Variants in MYO1D observed in about 807,000 individuals in gnomAD.
The protein encoded by MYO1D is unconventional myosin-Id.
MYO1D carries 83 observed loss-of-function variants against 122.0 expected under a neutral mutation model. That is an observed-to-expected ratio of 0.68 (90% CI 0.57 to 0.82). The LOEUF is 0.82. MYO1D is among the 40% of genes least tolerant of loss of function. The probability of loss-of-function intolerance (pLI) is 0.00; values close to 1 mark genes in which losing one functional copy is unlikely to be tolerated. For missense variants in MYO1D, 1,157 were observed against 1,269.5 expected (o/e 0.91, Z 1.35); for synonymous variants, 464 against 446.9 (o/e 1.04, Z -0.48).
intron 1 of MYO1D, among the ~76,000 whole-genome samples, chr17:32,840,022 T>C (rs1477828719): frequency 6.6e-6 from 1 of 152,218 alleles, no homozygotes; most frequent in Non-Finnish European, 1.5e-5. Flanking sequence ...ATTACAATTT[T>C]CTTGTTCCAT....
intron 21 of MYO1D, among the ~76,000 whole-genome samples, chr17:32,583,243 CCT>C (rs1169249184): frequency 1.3e-5 from 2 of 152,124 alleles, no homozygotes; most frequent in African/African-American, 4.8e-5. Context: ...AACGAGAAAT[CCT>C]CTGTCATCTT....
intron 16 of MYO1D, among the ~76,000 whole-genome samples, chr17:32,674,664 G>A (rs2150962502): frequency 6.6e-6 from 1 of 152,192 alleles, no homozygotes. Context: ...TTTCTTGCTG[G>A]CAAATGCTTG....
intron 21 of MYO1D, among the ~76,000 whole-genome samples, chr17:32,574,225 T>C (rs2087257739): frequency 6.6e-6 from 1 of 151,764 alleles, no homozygotes; most frequent in Non-Finnish European, 1.5e-5. Context: ...ACAATACTTA[T>C]CTCTCCGTAC....
At chr17:32,675,241 C>T (rs1470627770) in intron 16 of MYO1D, among the ~76,000 whole-genome samples, 1 of 152,108 alleles carries the variant, frequency 6.6e-6, no homozygotes, top group African/African-American at 2.4e-5. Flanking sequence ...AATAATGTGA[C>T]ACAGAAATAA....
rs560164141 is a variant in MYO1D, at chr17:32,561,068, C to T, written c.2864+44019G>A. Among the ~76,000 whole-genome samples the T allele has an allele frequency of 1.4e-4, 22 of 151,844 alleles. 1 individual carries two copies. The Middle Eastern group carries it at 0.02, about 141-fold the overall frequency. On this transcript the variant is annotated intron_variant, in intron 21 of 21. Transcript: ENST00000318217. The stretch of plus-strand genomic sequence containing the variant: ...CTAGGATTACAGGCACCTGCCACCA[C>T]GCCCGGCTAATTTTTGTATTTTTAG...
At chr17:32,579,878 C>A (rs556218702) in intron 21 of MYO1D, among the ~76,000 whole-genome samples, 2 of 152,288 alleles carry the variant, frequency 1.3e-5, no homozygotes, top group Non-Finnish European at 2.9e-5. Flanking sequence ...TTTGCTTATC[C>A]ATCTTCCAAT....
chr17:32,826,679 A>G (rs566905802), intron 1 of MYO1D, among the ~76,000 whole-genome samples: 1 of 152,340 alleles, frequency 6.6e-6, no homozygotes, highest in East Asian at 1.9e-4. Flanking sequence ...CTCTTGTGAT[A>G]GGAGAAAATT....
intron 21 of MYO1D, among the ~76,000 whole-genome samples, chr17:32,547,464 A>G (rs1474284851): frequency 2.0e-5 from 3 of 152,248 alleles, no homozygotes. Context: ...ACGCTTTTCC[A>G]TATGCATAGT....
chr17:32,673,028 T>C (rs73280036), intron 16 of MYO1D, among the ~76,000 whole-genome samples: 1 of 150,792 alleles, frequency 6.6e-6, no homozygotes, highest in African/African-American at 2.4e-5. Context: ...CTTTATTGGT[T>C]AGTTAAGGCT....
At chr17:32,640,128 T>C (rs1476197480) in intron 19 of MYO1D, among the ~76,000 whole-genome samples, 1 of 152,110 alleles carries the variant, frequency 6.6e-6, no homozygotes. Flanking sequence ...CCAAAGCACA[T>C]TTTTTTCAGT....
At chr17:32,842,406 G>T (rs1473808612) in intron 1 of MYO1D, among the ~76,000 whole-genome samples, 1 of 152,132 alleles carries the variant, frequency 6.6e-6, no homozygotes, top group Non-Finnish European at 1.5e-5. Context: ...ACTCTTAGGA[G>T]TTGGCTGCAC....
chr17:32,522,922 T>C (rs1317259789), intron 21 of MYO1D, among the ~76,000 whole-genome samples: 1 of 150,088 alleles, frequency 6.7e-6, no homozygotes, highest in Non-Finnish European at 1.5e-5. Context: ...GTTCACGCCA[T>C]TCTCCTGCCT....
At chr17:32,594,545 T>C in intron 21 of MYO1D, 1 of 647,708 alleles carries the variant, frequency 1.5e-6, no homozygotes, top group Non-Finnish European at 2.8e-6. Context: ...TGAATTTTAT[T>C]CAGAGTATAA....
At chr17:32,752,036 G>A (rs898576098) in intron 11 of MYO1D, among the ~76,000 whole-genome samples, 1 of 152,078 alleles carries the variant, frequency 6.6e-6, no homozygotes, top group Non-Finnish European at 1.5e-5. Context: ...TATACTACAA[G>A]GCTATTGTAA....
intron 1 of MYO1D, among the ~76,000 whole-genome samples, chr17:32,803,421 C>T (rs550206513): frequency 8.5e-5 from 13 of 152,300 alleles, no homozygotes; most frequent in Admixed American, 5.9e-4. Context: ...GCTGGGATTA[C>T]AGGTGTAAGC....
chr17:32,651,164 C>A (rs138871869), intron 19 of MYO1D, among the ~76,000 whole-genome samples: 1 of 152,160 alleles, frequency 6.6e-6, no homozygotes, highest in East Asian at 1.9e-4. Context: ...GTACTCTATT[C>A]GGTGCCTCAT....
At chr17:32,729,856 G>A (rs551656660) in intron 14 of MYO1D, among the ~76,000 whole-genome samples, 31 of 152,234 alleles carry the variant, frequency 2.0e-4, no homozygotes, top group African/African-American at 7.0e-4. Context: ...GCTACTACAG[G>A]CCCTGAAATG....
chr17:32,743,440 C>T (rs994585067), intron 13 of MYO1D, among the ~76,000 whole-genome samples: 6 of 152,110 alleles, frequency 3.9e-5, no homozygotes, highest in African/African-American at 1.4e-4. Flanking sequence ...CTCTTGTCTT[C>T]TCCTATCAGG....
At position 32,669,873 on chromosome 17, in the gene MYO1D, T is replaced by C. The variant is rs116468537; in HGVS notation, c.2122-10535A>G. ...AGCTAATAAGAGGCATACACATTTGTCAGGAAAGACATTTTCTTTTTCTTT... is the reference window on the plus strand; with the variant it reads ...AGCTAATAAGAGGCATACACATTTGCCAGGAAAGACATTTTCTTTTTCTTT... On this transcript the variant is annotated intron_variant, in intron 16 of 21. Transcript: ENST00000318217. 1.9e-3 allele frequency among the ~76,000 whole-genome samples: 293 copies of C among 152,122 alleles called. 1 individual carries two copies. The highest frequency in any genetic ancestry group is 6.2e-3 in the African/African-American group (256 of 41,530).
Sources: gnomAD v4.1 joint callset for allele counts (sites outside exome capture counted in the v4.1 genomes callset) on GRCh38, gnomAD v4.1.1 for gene constraint, MANE v1.5 for transcripts, NCBI Gene and HGNC (gene_info 2026-07-23, HGNC 2026-07-21) for gene names.